The following ACTN1 variants were observed in gnomAD, a reference collection of about 807,000 sequenced individuals.
ACTN1 encodes the protein actinin alpha 1, also known as alpha-actinin-1.
A neutral mutation model predicts 119.6 loss-of-function variants in ACTN1; 30 were observed. That is an observed-to-expected ratio of 0.25 (90% CI 0.19 to 0.34). The LOEUF (loss-of-function observed/expected upper bound fraction) is 0.34, where lower values mean the gene tolerates loss of function less well. ACTN1 is among the 10% of genes least tolerant of loss of function. ACTN1 has a pLI of 1.00. For synonymous variants in ACTN1, 429 were observed against 472.6 expected (o/e 0.91, Z 1.20); for missense variants, 764 against 1,223.4 (o/e 0.62, Z 5.60).
At chr14:68,943,083 A>G (rs893187644) in intron 1 of ACTN1, among the ~76,000 whole-genome samples, 2 of 152,138 alleles carry the variant, frequency 1.3e-5, no homozygotes, top group African/African-American at 2.4e-5. Flanking sequence ...GGCCCAGGAC[A>G]ATGTGACCCA....
intron 1 of ACTN1, among the ~76,000 whole-genome samples, chr14:68,965,506 T>C (rs968273824): frequency 6.6e-6 from 1 of 152,150 alleles, no homozygotes; most frequent in African/African-American, 2.4e-5. Flanking sequence ...CCAATTATGA[T>C]CAGTCCACCT....
intron 1 of ACTN1, chr14:68,936,807 G>T: frequency 1.7e-6 from 1 of 605,582 alleles, no homozygotes; most frequent in East Asian, 4.2e-5. Context: ...TGGTGCCAAC[G>T]CCAAGCAATC....
chr14:68,881,997 G>A (rs939739495), intron 16 of ACTN1, among the ~76,000 whole-genome samples: 1 of 137,952 alleles, frequency 7.2e-6, no homozygotes, highest in East Asian at 2.1e-4. Context: ...GTGCAATGGC[G>A]TAATCTCAGC....
At chr14:68,887,940 T>C (rs2032157989) in intron 11 of ACTN1, 2 of 898,506 alleles carry the variant, frequency 2.2e-6, no homozygotes, top group Non-Finnish European at 3.7e-6. Context: ...GTTTGCACTT[T>C]TTTGTCTGAA....
chr14:68,915,807 A>G (rs1424063592), intron 3 of ACTN1, among the ~76,000 whole-genome samples: 1 of 152,224 alleles, frequency 6.6e-6, no homozygotes, highest in East Asian at 1.9e-4. Flanking sequence ...ACTTGAGGTC[A>G]GGAGTTCAAG....
At chr14:68,949,739 A>G (rs2036066484) in intron 1 of ACTN1, among the ~76,000 whole-genome samples, 1 of 152,232 alleles carries the variant, frequency 6.6e-6, no homozygotes, top group Non-Finnish European at 1.5e-5. Flanking sequence ...GAAACCAAAC[A>G]TGGTCATACA....
chr14:68,934,962 G>A (rs2035416589), intron 1 of ACTN1, among the ~76,000 whole-genome samples: 1 of 152,104 alleles, frequency 6.6e-6, no homozygotes, highest in South Asian at 2.1e-4. Flanking sequence ...TCCAGTAACT[G>A]AACTGATTAG....
chr14:68,936,499 CCTT>C, intron 1 of ACTN1: 1 of 310,916 alleles, frequency 3.2e-6, no homozygotes. Context: ...GCTGTCATTA[CCTT>C]TTTTTTTTTT....
chr14:68,921,190 C>T, intron 2 of ACTN1, 65 bp from the exon 3 acceptor site: 2 of 1,585,656 alleles, frequency 1.3e-6, no homozygotes, highest in Non-Finnish European at 1.7e-6. Flanking sequence ...AGAGCTACTA[C>T]CACTACACCC....
At chr14:68,962,342 C>T (rs1005027598) in intron 1 of ACTN1, among the ~76,000 whole-genome samples, 1 of 152,120 alleles carries the variant, frequency 6.6e-6, no homozygotes, top group East Asian at 1.9e-4. Context: ...CATTCCCTTC[C>T]AGGGCATCCT....
chr14:68,956,301 A>G (rs1447736453), intron 1 of ACTN1, among the ~76,000 whole-genome samples: 2 of 152,226 alleles, frequency 1.3e-5, no homozygotes, highest in East Asian at 3.8e-4. Flanking sequence ...CCCTGTCTCC[A>G]TTTTCATAAA....
In ACTN1 at chr14:68,877,091, A is replaced by G. The variant is rs201687580; in HGVS notation, c.2577T>C (p.Ala859=). The G allele has an allele frequency of 6.2e-7, 1 of 1,614,092 alleles. No homozygotes were observed. Among genetic ancestry groups the G allele is most frequent in the African/African-American group, 1.3e-5 (1 of 75,054 alleles). Residue 859 remains alanine (A), a synonymous_variant, in exon 21 of 22, where the codon GCT becomes GCC. Transcript: ENST00000394419. ...DQVMASFKIL[A]GDKNYITMDE... The stretch of plus-strand genomic sequence containing the variant: ...CCCATAGGACACCCACCTTGTCCCC[A>G]GCCAGGATCTTGAAGGAAGCCATGA...
At chr14:68,931,328 C>T (rs2035212915) in intron 1 of ACTN1, among the ~76,000 whole-genome samples, 1 of 152,184 alleles carries the variant, frequency 6.6e-6, no homozygotes, top group African/African-American at 2.4e-5. Context: ...GCCTGGCAGA[C>T]AGAGGCAGAG....
chr14:68,910,150 T>C (rs1481967091), intron 4 of ACTN1, 108 bp from the exon 5 acceptor site: 1 of 787,750 alleles, frequency 1.3e-6, no homozygotes, highest in East Asian at 2.7e-5. Flanking sequence ...ACCCTGCAGC[T>C]ACTGAAGGAG....
chr14:68,884,520 C>T (rs1432654007), intron 13 of ACTN1, among the ~76,000 whole-genome samples: 1 of 152,212 alleles, frequency 6.6e-6, no homozygotes, highest in Non-Finnish European at 1.5e-5. Context: ...GGAGGGTTCT[C>T]AAATGGCTGG....
chr14:68,903,719 T>C (rs1594788354), intron 7 of ACTN1, among the ~76,000 whole-genome samples: 1 of 151,692 alleles, frequency 6.6e-6, no homozygotes, highest in African/African-American at 2.4e-5. Flanking sequence ...AGCGCGGAGG[T>C]GGGACAAGAC....
At chr14:68,937,965 G>A (rs1239956584) in intron 1 of ACTN1, among the ~76,000 whole-genome samples, 1 of 152,250 alleles carries the variant, frequency 6.6e-6, no homozygotes, top group African/African-American at 2.4e-5. Context: ...GTGCAGCCAG[G>A]GGGCGTGCTG....
In ACTN1 at chr14:68,874,842, C is replaced by A; in HGVS notation, c.*17G>T. 6.4e-7 allele frequency: 1 copy of A among 1,551,628 alleles called. No individual in the cohort carries two copies. The highest frequency in any genetic ancestry group is 8.8e-7 in the Non-Finnish European group (1 of 1,142,072). ...CAGGGCACGGCGCACAAGACGAGGG[C>A]GGCCGGGCGGGGTGGATTAGAGGTC... On this transcript the variant is annotated 3_prime_UTR_variant, in exon 22 of 22. Transcript: ENST00000394419.
At chr14:68,883,103 A>G (rs1369307722) in intron 14 of ACTN1, 48 bp from the exon 15 acceptor site, 1 of 1,588,774 alleles carries the variant, frequency 6.3e-7, no homozygotes, top group Non-Finnish European at 8.6e-7. Context: ...AGGGAGCGCT[A>G]GAAGTGAGTG....
Sources: gnomAD v4.1 joint callset for allele counts (sites outside exome capture counted in the v4.1 genomes callset) on GRCh38, gnomAD v4.1.1 for gene constraint, MANE v1.5 for transcripts, NCBI Gene and HGNC (gene_info 2026-07-23, HGNC 2026-07-21) for gene names.